Variants in EPB41L3 observed in about 807,000 individuals in gnomAD.
EPB41L3 encodes the protein erythrocyte membrane protein band 4.1 like 3.
A neutral mutation model predicts 127.1 loss-of-function variants in EPB41L3; 57 were observed. The observed-to-expected ratio is 0.45, with a 90% CI of 0.36 to 0.56. The LOEUF (loss-of-function observed/expected upper bound fraction) is 0.56, where lower values mean the gene tolerates loss of function less well. EPB41L3 is among the 20% of genes least tolerant of loss of function. The pLI, the probability that EPB41L3 is intolerant of heterozygous loss-of-function variation, is 0.00. For missense variants in EPB41L3, 1,273 were observed against 1,372.2 expected (o/e 0.93, Z 1.14); for synonymous variants, 572 against 549.5 (o/e 1.04, Z -0.57).
At chr18:5,469,043 C>T (rs1015928566) in intron 3 of EPB41L3, among the ~76,000 whole-genome samples, 3 of 152,240 alleles carry the variant, frequency 2.0e-5, no homozygotes, top group African/African-American at 7.2e-5. Context: ...ACCTCTTTGT[C>T]CTGCTCCCCA....
intron 1 of EPB41L3, among the ~76,000 whole-genome samples, chr18:5,520,535 C>T (rs1328501541): frequency 3.4e-5 from 5 of 147,444 alleles, no homozygotes; most frequent in African/African-American, 7.6e-5. Context: ...CACCCATGCT[C>T]GCCTCCCCTA....
chr18:5,627,668 C>T (rs938859397), intron 1 of EPB41L3, among the ~76,000 whole-genome samples: 2 of 151,938 alleles, frequency 1.3e-5, no homozygotes, highest in African/African-American at 4.8e-5. Flanking sequence ...AATTATAAGC[C>T]CTGGTCTACA....
At chr18:5,432,949 G>A (rs146815481) in intron 8 of EPB41L3, among the ~76,000 whole-genome samples, 8 of 152,322 alleles carry the variant, frequency 5.3e-5, no homozygotes, top group African/African-American at 1.9e-4. Context: ...ATGTATGAAG[G>A]TAGGGCCACA....
Position 5,566,747 on chromosome 18 carries a change from CTATTCTATTCTATTCT to C in EPB41L3, c.-306+45577_-306+45592del, listed in dbSNP as rs1568583775. ...CCATTCTATTCTATTCTATTCTATT[CTATTCTATTCTATTCT>C]ATTCTATTCTATTCTATTCTATTCT... On this transcript the variant is annotated intron_variant, in intron 3 of 21. Transcript: ENST00000545076. Among the ~76,000 whole-genome samples, 6 of 133,640 alleles carry C rather than the reference CTATTCTATTCTATTCT, an allele frequency of 4.5e-5. No homozygotes were observed. In the East Asian group the frequency reaches 1.4e-3, roughly 31 times the overall value. 87.7% of individuals were successfully genotyped at this position (133,640 alleles called of 152,430 possible).
Position 5,566,782 on chromosome 18 carries a change from CT to C in EPB41L3, c.-306+45557del, listed in dbSNP as rs1568584063. The stretch of plus-strand genomic sequence containing the variant: ...CTATTCTATTCTATTCTATTCTATT[CT>C]ATTCTATTCCATTCCATTCCATTCT... On this transcript the variant is annotated intron_variant, in intron 3 of 21. Coordinates refer to the EPB41L3 transcript ENST00000545076. 8.0e-3 allele frequency among the ~76,000 whole-genome samples: 1,058 copies of C among 132,500 alleles called. 14 individuals are homozygous for C. The highest frequency in any genetic ancestry group is 0.018 in the East Asian group (86 of 4,816). The allele number at this position is 132,500 out of a possible 152,430, so 86.9% of individuals were successfully genotyped here. A position where few individuals can be genotyped will look rare whatever the true frequency, so the allele number is the denominator to read the frequency against.
rs1469646722 is a variant in EPB41L3 at position 5,448,118 on chromosome 18, A to G, written c.382-2874T>C. 2.0e-5 allele frequency among the ~76,000 whole-genome samples: 3 copies of G among 152,156 alleles called. 1 individual carries two copies. The highest frequency in any genetic ancestry group is 4.4e-5 in the Non-Finnish European group (3 of 68,026). On this transcript the variant is annotated intron_variant, in intron 3 of 22. Coordinates refer to ENST00000341928, the MANE Select transcript of EPB41L3 (RefSeq NM_012307.5). ...TTTTCTCATCCTTGAGTGGGGATGT[A>G]AGATTCTACTGAGCAAGATGTTTAT...
chr18:5,561,103 G>T (rs368046693), intron 3 of EPB41L3, among the ~76,000 whole-genome samples: 1 of 148,314 alleles, frequency 6.7e-6, no homozygotes, highest in African/African-American at 2.5e-5. Context: ...TCAGCCTCCC[G>T]AGTAGCTGGG....
In EPB41L3 at chr18:5,619,587, C is replaced by G. The variant is rs866616902; in HGVS notation, c.-467-5164G>C. 6.6e-5 allele frequency among the ~76,000 whole-genome samples: 10 copies of G among 152,136 alleles called. 1 individual carries two copies. The highest frequency in any genetic ancestry group is 2.2e-4 in the African/African-American group (9 of 41,442). On this transcript the variant is annotated intron_variant, in intron 1 of 21. Coordinates refer to the EPB41L3 transcript ENST00000545076. ...GAGTCAGGCAGGAATGTGCCACTTGCGATATTCCAGCCAGGTCTAGTGGAC... is the reference window on the plus strand; with the variant it reads ...GAGTCAGGCAGGAATGTGCCACTTGGGATATTCCAGCCAGGTCTAGTGGAC...
At chr18:5,395,764 G>A (rs2073319613) in intron 19 of EPB41L3, 57 bp from the exon 20 acceptor site, 6 of 1,340,120 alleles carry the variant, frequency 4.5e-6, no homozygotes, top group African/African-American at 4.3e-5. Context: ...CTCTTCAGAA[G>A]TTGGCTACGT....
intron 16 of EPB41L3, chr18:5,398,876 ATCT>A (rs1370132797): frequency 7.5e-6 from 3 of 399,202 alleles, no homozygotes; most frequent in African/African-American, 4.1e-5. Flanking sequence ...TCTTGAGGTC[ATCT>A]TCTTCAGGAC....
At chr18:5,589,629 C>T (rs925872749) in intron 3 of EPB41L3, among the ~76,000 whole-genome samples, 1 of 152,106 alleles carries the variant, frequency 6.6e-6, no homozygotes, top group African/African-American at 2.4e-5. Context: ...ATATATACCC[C>T]AGTCTTCCCA....
At chr18:5,405,817 T>A (rs2075284312) in intron 16 of EPB41L3, among the ~76,000 whole-genome samples, 1 of 17,038 alleles carries the variant, frequency 5.9e-5, no homozygotes, top group African/African-American at 8.4e-5. Flanking sequence ...AAAAACTATG[T>A]CTCAAAAAAA....
At chr18:5,479,469 C>T (rs2087962892) in intron 2 of EPB41L3, among the ~76,000 whole-genome samples, 1 of 152,078 alleles carries the variant, frequency 6.6e-6, no homozygotes, top group South Asian at 2.1e-4. Context: ...TTCTATTAGC[C>T]TCTACATTTT....
In EPB41L3 at chr18:5,458,947, G is replaced by A. The variant is rs1023963172; in HGVS notation, c.382-13703C>T. Among the ~76,000 whole-genome samples the A allele has an allele frequency of 5.3e-5, 8 of 152,256 alleles. 1 individual carries two copies. Among genetic ancestry groups the A allele is most frequent in the Admixed American group, 4.6e-4 (7 of 15,300 alleles). On this transcript the variant is annotated intron_variant, in intron 3 of 22. Transcript: ENST00000341928. ...TTGAAGTCATGCTCTATAAAGTACAGTTTTGGGATCTTGAGTATGCCTTTG... is the reference window on the plus strand; with the variant it reads ...TTGAAGTCATGCTCTATAAAGTACAATTTTGGGATCTTGAGTATGCCTTTG...
At chr18:5,463,081 G>A (rs937814640) in intron 3 of EPB41L3, among the ~76,000 whole-genome samples, 27 of 152,210 alleles carry the variant, frequency 1.8e-4, no homozygotes, top group African/African-American at 6.5e-4. Context: ...TCCTTTTCAG[G>A]ATAGTTCCTT....
intron 3 of EPB41L3, among the ~76,000 whole-genome samples, chr18:5,453,939 T>G (rs2082648721): frequency 6.6e-6 from 1 of 152,182 alleles, no homozygotes; most frequent in Non-Finnish European, 1.5e-5. Context: ...TTTTCCTCAC[T>G]GAATGCCTTT....
At chr18:5,525,241 T>G (rs1279025664) in intron 1 of EPB41L3, among the ~76,000 whole-genome samples, 1 of 152,040 alleles carries the variant, frequency 6.6e-6, no homozygotes, top group African/African-American at 2.4e-5. Context: ...AGCTGGTCAG[T>G]GTGGTGCCCA....
intron 4 of EPB41L3, among the ~76,000 whole-genome samples, chr18:5,444,618 G>A (rs938909433): frequency 3.3e-5 from 5 of 152,222 alleles, no homozygotes; most frequent in Admixed American, 6.5e-5. Context: ...TATTAGACAA[G>A]TGTCAGGTCA....
At chr18:5,395,842 C>T (rs1042297060) in intron 19 of EPB41L3, 135 bp from the exon 20 acceptor site, 117 of 710,898 alleles carry the variant, frequency 1.6e-4, no homozygotes, top group African/African-American at 1.1e-3. Context: ...AGAGTCTGAG[C>T]GCTGCTCCCA....
Sources: allele counts gnomAD v4.1 joint callset (sites outside exome capture counted in the v4.1 genomes callset), GRCh38; gene constraint gnomAD v4.1.1; transcripts MANE v1.5; gene names NCBI Gene and HGNC (gene_info 2026-07-23, HGNC 2026-07-21).